The following RUNX2 variants were observed in gnomAD, a reference collection of about 807,000 sequenced individuals.
The protein encoded by RUNX2 is runt-related transcription factor 2.
A neutral mutation model predicts 51.7 loss-of-function variants in RUNX2; 10 were observed. That is an observed-to-expected ratio of 0.19 (90% CI 0.12 to 0.33). RUNX2 has a LOEUF of 0.33. Ranked by LOEUF, RUNX2 falls within the 10% of genes least tolerant of loss-of-function variation. The probability of loss-of-function intolerance (pLI) is 1.00; values close to 1 mark genes in which losing one functional copy is unlikely to be tolerated. For synonymous variants in RUNX2, 276 were observed against 273.6 expected (o/e 1.01, Z -0.09); for missense variants, 562 against 691.3 (o/e 0.81, Z 2.10).
At position 45,492,040 on chromosome 6, in the gene RUNX2, C is replaced by T. The variant is rs1407250057; in HGVS notation, c.785C>T (p.Pro262Leu). ...IPHPSMRVGV[P>L]PQNPRPSLNS... Reference sequence around the variant, plus strand: ...CATCCCAGTATGAGAGTAGGTGTCCCGCCTCAGAACCCACGGCCCTCCCTG... The same window carrying T: ...CATCCCAGTATGAGAGTAGGTGTCCTGCCTCAGAACCCACGGCCCTCCCTG... Residue 262 changes from proline (P) to leucine (L), a missense_variant, in exon 6 of 9, where the codon CCG becomes CTG. Pro to Leu is a moderately conservative substitution (Grantham distance 98, BLOSUM62 -3). This residue lies in a region of RUNX2 where 304 missense variants were observed against 353.2 expected (regional missense o/e 0.86). Transcript: ENST00000647337. 14 of 1,613,882 alleles carry T rather than the reference C, an allele frequency of 8.7e-6. No homozygotes were observed. The East Asian group carries it at 1.8e-4, about 21-fold the overall frequency.
intron 3 of RUNX2, among the ~76,000 whole-genome samples, chr6:45,430,237 T>A (rs1798504786): frequency 6.6e-6 from 1 of 151,958 alleles, no homozygotes; most frequent in Non-Finnish European, 1.5e-5. Flanking sequence ...CTCCTAGGAG[T>A]GAGTCCCTCA....
intron 2 of RUNX2, among the ~76,000 whole-genome samples, chr6:45,409,675 G>T (rs538628528): frequency 1.1e-4 from 16 of 152,202 alleles, no homozygotes; most frequent in Non-Finnish European, 1.6e-4. Flanking sequence ...ATTTCAGAAA[G>T]AATAATAACA....
intron 7 of RUNX2, among the ~76,000 whole-genome samples, chr6:45,540,018 G>A (rs62400375): frequency 0.1 from 15,873 of 152,198 alleles, 1,003 homozygotes; most frequent in Non-Finnish European, 0.14. Context: ...GCCAGAGCTC[G>A]CTTACTTTGG....
intron 2 of RUNX2, among the ~76,000 whole-genome samples, chr6:45,386,219 C>T (rs190338255): frequency 6.6e-6 from 1 of 152,126 alleles, no homozygotes; most frequent in Non-Finnish European, 1.5e-5. Context: ...AGGCATATGC[C>T]ACCACGCCTG....
At chr6:45,457,539 A>G (rs1450692202) in intron 5 of RUNX2, among the ~76,000 whole-genome samples, 2 of 152,172 alleles carry the variant, frequency 1.3e-5, no homozygotes, top group Non-Finnish European at 2.9e-5. Flanking sequence ...AAAGTATAAC[A>G]TTTTCAGTTC....
chr6:45,402,244 CA>C (rs1797728203), intron 2 of RUNX2, among the ~76,000 whole-genome samples: 1 of 152,162 alleles, frequency 6.6e-6, no homozygotes, highest in Admixed American at 6.5e-5. Flanking sequence ...AATTTTAAAA[CA>C]ATGATTCCCT....
intron 3 of RUNX2, among the ~76,000 whole-genome samples, chr6:45,425,883 A>AAC (rs899687582): frequency 1.4e-5 from 2 of 145,664 alleles, no homozygotes; most frequent in Non-Finnish European, 3.1e-5. Context: ...AATGGATTTA[A>AAC]ACACACACAT....
chr6:45,520,206 C>T (rs1801462975), intron 7 of RUNX2, among the ~76,000 whole-genome samples: 3 of 152,116 alleles, frequency 2.0e-5, no homozygotes, highest in Admixed American at 2.0e-4. Flanking sequence ...CTTCCATTTT[C>T]CTTTTGTTGC....
chr6:45,357,448 A>G (rs1379011852), intron 2 of RUNX2, among the ~76,000 whole-genome samples: 2 of 142,004 alleles, frequency 1.4e-5, no homozygotes. Flanking sequence ...CTCCTGCCTC[A>G]GCCTCCCAAG....
intron 2 of RUNX2, among the ~76,000 whole-genome samples, chr6:45,400,969 T>C (rs947800026): frequency 2.6e-5 from 4 of 152,234 alleles, no homozygotes; most frequent in Non-Finnish European, 5.9e-5. Context: ...GCAAGTATAA[T>C]AAAATATTAA....
At chr6:45,533,002 A>G (rs1280449919) in intron 7 of RUNX2, among the ~76,000 whole-genome samples, 1 of 151,136 alleles carries the variant, frequency 6.6e-6, no homozygotes, top group Non-Finnish European at 1.5e-5. Context: ...CTTGGGAGAC[A>G]GAGGGCTTCA....
intron 2 of RUNX2, chr6:45,365,265 T>C (rs1215566079): frequency 3.1e-6 from 5 of 1,612,666 alleles, no homozygotes; most frequent in Non-Finnish European, 3.4e-6. Flanking sequence ...CTACTTGAAG[T>C]TGCAGTAGAC....
chr6:45,335,475 T>G (rs753492467), intron 2 of RUNX2, among the ~76,000 whole-genome samples: 4 of 151,274 alleles, frequency 2.6e-5, no homozygotes, highest in Middle Eastern at 3.2e-3. Context: ...AATTACAATT[T>G]TATTATAAGA....
intron 2 of RUNX2, 114 bp from the exon 3 acceptor site, chr6:45,422,479 C>A (rs1329978524): frequency 2.3e-5 from 8 of 344,268 alleles, no homozygotes; most frequent in African/African-American, 7.2e-5. Context: ...CATCCTCTTT[C>A]CCCCCGTCTC....
At chr6:45,434,519 A>C (rs541720628) in intron 4 of RUNX2, among the ~76,000 whole-genome samples, 1 of 152,198 alleles carries the variant, frequency 6.6e-6, no homozygotes, top group Non-Finnish European at 1.5e-5. Flanking sequence ...TAAAGGAGTC[A>C]TGTCACTACT....
Position 45,422,777 on chromosome 6 carries a change from G to C in RUNX2, c.243G>C (p.Ala81=). Residue 81 remains alanine (A), a synonymous_variant, in exon 3 of 9, where the codon GCG becomes GCC. Coordinates refer to ENST00000647337, the MANE Select transcript of RUNX2 (RefSeq NM_001024630.4). ...QEAAAAAAAA[A]AAAAAAAAVP... Reference sequence around the variant, plus strand: ...CGGCGGCGGCGGCTGCGGCGGCGGCGGCGGCTGCGGCGGCGGCAGCTGCAG... The same window carrying C: ...CGGCGGCGGCGGCTGCGGCGGCGGCCGCGGCTGCGGCGGCGGCAGCTGCAG... 1 of 1,373,682 alleles carries C rather than the reference G, an allele frequency of 7.3e-7. No individual in the cohort carries two copies. The highest frequency in any genetic ancestry group is 1.4e-5 in the South Asian group (1 of 70,590). The allele number at this position is 1,373,682 out of a possible 1,614,324, so 85.1% of individuals were successfully genotyped here.
intron 2 of RUNX2, among the ~76,000 whole-genome samples, chr6:45,359,629 T>G (rs1342804660): frequency 6.6e-6 from 1 of 152,230 alleles, no homozygotes; most frequent in Non-Finnish European, 1.5e-5. Context: ...AAGCATCTAA[T>G]AAGTATATAG....
intron 5 of RUNX2, among the ~76,000 whole-genome samples, chr6:45,484,520 T>C (rs1358104998): frequency 6.6e-6 from 1 of 152,238 alleles, no homozygotes; most frequent in Non-Finnish European, 1.5e-5. Context: ...ATCTTCATTT[T>C]TACATGTATG....
chr6:45,344,111 T>C (rs1477009734), intron 2 of RUNX2, among the ~76,000 whole-genome samples: 1 of 152,190 alleles, frequency 6.6e-6, no homozygotes, highest in Non-Finnish European at 1.5e-5. Context: ...TTCCTTTTAT[T>C]CGGAGAGATA....
Sources: gnomAD v4.1 joint callset for allele counts (sites outside exome capture counted in the v4.1 genomes callset) on GRCh38, gnomAD v4.1.1 for gene constraint, gnomAD v4.1.1 regional missense constraint, MANE v1.5 for transcripts, NCBI Gene and HGNC (gene_info 2026-07-23, HGNC 2026-07-21) for gene names.